TLR7: variants seen among roughly 807,000 people sequenced by gnomAD.
TLR7 encodes toll like receptor 7, also known as toll-like receptor 7.
Under a neutral mutation model 38.3 loss-of-function variants are expected in TLR7, and 12 were observed. That is an observed-to-expected ratio of 0.31 (90% confidence interval 0.20 to 0.51). TLR7 has a LOEUF of 0.51. Ranked by LOEUF, TLR7 falls within the 20% of genes least tolerant of loss-of-function variation. The probability of loss-of-function intolerance (pLI) is 0.98; values close to 1 mark genes in which losing one functional copy is unlikely to be tolerated. For synonymous variants in TLR7, 285 were observed against 293.8 expected, an observed-to-expected ratio of 0.97 and a Z score of 0.31; for missense variants, 504 against 743.4, an observed-to-expected ratio of 0.68 and a Z score of 3.74.
Position 12,889,040 on chromosome X carries a change from T to A in TLR7, c.*382T>A, listed in dbSNP as rs2042921322. The A allele has an allele frequency of 7.8e-6, 1 of 128,918 alleles. No homozygotes were observed. Among genetic ancestry groups the A allele is most frequent in the Non-Finnish European group, 1.5e-5 (1 of 65,142 alleles). 10.6% of individuals were successfully genotyped at this position (128,918 alleles called of 1,213,427 possible). ...GTACTGGTATATACAGAAATAGGGT[T>A]AAAAAAAACTCAAGCTCTCTCTATA... On this transcript the variant is annotated 3_prime_UTR_variant, in exon 3 of 3. Transcript: ENST00000380659.
intron 2 of TLR7, among the ~76,000 whole-genome samples, chrX:12,884,892 C>G (rs779164879): frequency 8.9e-6 from 1 of 112,870 alleles, no homozygotes; most frequent in Non-Finnish European, 1.9e-5. Flanking sequence ...TTTGCAAAAA[C>G]AATCCAAGAC....
chrX:12,878,586 G>A, intron 2 of TLR7, among the ~76,000 whole-genome samples: 1 of 112,058 alleles, frequency 8.9e-6, no homozygotes, highest in Non-Finnish European at 1.9e-5. Flanking sequence ...AGCCTAATGT[G>A]GCTTTTTGAG....
chrX:12,888,047 ATAT>A lies in TLR7; in HGVS notation c.2540_2542del (p.Ile847_Ser848delinsThr). 8.3e-7 allele frequency: 1 copy of A among 1,211,373 alleles called. No individual in the cohort carries two copies. ...TAACCTGATTCTGTTCTCACTTTCC[ATAT>A]CTGTATCTCTCTTTCTCATGGTGAT... On this transcript the variant is annotated inframe_deletion, in exon 3 of 3. Coordinates refer to ENST00000380659, the MANE Select transcript of TLR7 (RefSeq NM_016562.4).
chrX:12,890,121 T>C lies in TLR7; in HGVS notation c.*1463T>C, dbSNP rs1343375281. ...TGAAACCTGACCAATTTGCTTTATT[T>C]CATGGAAGAAGTGATCTACAAAGGT... On this transcript the variant is annotated 3_prime_UTR_variant, in exon 3 of 3. Transcript: ENST00000380659. 2 of 112,909 alleles carry C rather than the reference T, an allele frequency of 1.8e-5. No individual in the cohort carries two copies. The highest frequency in any genetic ancestry group is 1.9e-4 in the Admixed American group (2 of 10,684). 9.3% of individuals were successfully genotyped at this position (112,909 alleles called of 1,213,427 possible). A position where few individuals can be genotyped will look rare whatever the true frequency, so the allele number is the denominator to read the frequency against.
chrX:12,884,840 C>A (rs985568028), intron 2 of TLR7, among the ~76,000 whole-genome samples: 7 of 112,543 alleles, frequency 6.2e-5, no homozygotes, highest in Non-Finnish European at 9.4e-5. Context: ...AGGGAAAATG[C>A]TCATCCTAAA....
At chrX:12,872,314 C>T (rs768284680) in intron 2 of TLR7, among the ~76,000 whole-genome samples, 3 of 111,717 alleles carry the variant, frequency 2.7e-5, no homozygotes, top group Non-Finnish European at 5.6e-5. Flanking sequence ...CACAGGGTCT[C>T]TCTTGGGGTG....
intron 2 of TLR7, among the ~76,000 whole-genome samples, chrX:12,883,440 G>C (rs769270273): frequency 5.4e-5 from 6 of 111,681 alleles, no homozygotes; most frequent in African/African-American, 2.0e-4. Context: ...AATCAGGTAA[G>C]CCGGACAAGT....
Position 12,888,655 on chromosome X carries a change from C to T in TLR7, c.3147C>T (p.Val1049=). ...VAYSQVFKET[V] ...ATAGTCAGGTGTTCAAGGAAACGGT[C>T]TAGCCCTTCTTTGCAAAACACAACT... Residue 1049 remains valine (V), a synonymous_variant, in exon 3 of 3, where the codon GTC becomes GTT. Coordinates refer to ENST00000380659, the MANE Select transcript of TLR7 (RefSeq NM_016562.4). 8.4e-7 allele frequency: 1 copy of T among 1,185,360 alleles called. No individual in the cohort carries two copies.
chrX:12,875,972 G>A (rs764996604), intron 2 of TLR7, among the ~76,000 whole-genome samples: 37 of 39,764 alleles, frequency 9.3e-4, no homozygotes, highest in African/African-American at 3.3e-3. Context: ...TTTTTTTTTT[G>A]TCTTGAGACA....
chrX:12,869,830 C>CAAAAAAAAAAAAAAAAAAA (rs34022797), intron 2 of TLR7, among the ~76,000 whole-genome samples: 1 of 51,465 alleles, frequency 1.9e-5, no homozygotes, highest in African/African-American at 7.3e-5. Context: ...TGCAGCCAGG[C>CAAAAAAAAAAAAAAAAAAA]AAAAAAAAAA....
At position 12,878,098 on chromosome X, in the gene TLR7, AAGAGTGCC is replaced by A. The variant is rs1472594714; in HGVS notation, c.4-7411_4-7404del. ...CGAGAAGTAGAATAGCAGAGTGGCT[AAGAGTGCC>A]AGCTCTGTCTCAATCACCTAGGTCT... On this transcript the variant is annotated intron_variant, in intron 2 of 2. Coordinates refer to ENST00000380659, the MANE Select transcript of TLR7 (RefSeq NM_016562.4). Among the ~76,000 whole-genome samples the A allele has an allele frequency of 2.7e-5, 3 of 112,194 alleles. No individual in the cohort carries two copies. In the East Asian group the frequency reaches 8.4e-4, roughly 32 times the overall value.
chrX:12,879,252 T>C (rs918650922), intron 2 of TLR7, among the ~76,000 whole-genome samples: 4 of 111,827 alleles, frequency 3.6e-5, no homozygotes, highest in Admixed American at 9.5e-5. Flanking sequence ...GATGGCATAA[T>C]ATAGGCCACC....
intron 2 of TLR7, among the ~76,000 whole-genome samples, chrX:12,868,211 G>A (rs2042840441): frequency 8.9e-6 from 1 of 111,956 alleles, no homozygotes; most frequent in Admixed American, 9.5e-5. Context: ...AACATCAAGG[G>A]TAAAAGGATT....
chrX:12,882,184 G>A (rs1226097303), intron 2 of TLR7, among the ~76,000 whole-genome samples: 1 of 111,951 alleles, frequency 8.9e-6, no homozygotes, highest in Non-Finnish European at 1.9e-5. Context: ...GCTGAAGTCA[G>A]AACACCCTTG....
chrX:12,867,702 G>T (rs370277798), intron 2 of TLR7, 121 bp downstream of exon 2: 1 of 685,241 alleles, frequency 1.5e-6, no homozygotes, highest in Admixed American at 2.8e-5. Flanking sequence ...GGGGGAAAGT[G>T]CTTCCTGATA....
chrX:12,867,456 C>T, intron 1 of TLR7, 25 bp from the exon 2 acceptor site: 3 of 600,130 alleles, frequency 5.0e-6, no homozygotes, highest in Non-Finnish European at 8.3e-6. Context: ...GAAATGTAAA[C>T]TTTGATGTCT....
Position 12,887,581 on chromosome X carries a change from T to C in TLR7, c.2073T>C (p.Ser691=), listed in dbSNP as rs202020803. The part of the protein sequence containing the change: ...SLAKNGLKSF[S]WKKLQCLKNL... The stretch of plus-strand genomic sequence containing the variant: ...CCAAAAATGGGCTCAAATCTTTCAG[T>C]TGGAAGAAACTCCAGTGTCTAAAGA... The change falls in exon 3 of 3, where the codon AGT becomes AGC. Residue 691 remains serine, a synonymous_variant. Transcript: ENST00000380659. 4.1e-6 allele frequency: 5 copies of C among 1,210,851 alleles called. No individual in the cohort carries two copies. Among genetic ancestry groups the C allele is most frequent in the African/African-American group, 1.7e-5 (1 of 57,664 alleles).
In TLR7 at chrX:12,867,601, C is replaced by A. The variant is rs1189463357; in HGVS notation, c.3+20C>A. The A allele has an allele frequency of 8.3e-7, 1 of 1,199,501 alleles. No individual in the cohort carries two copies. Among genetic ancestry groups the A allele is most frequent in the Non-Finnish European group, 1.1e-6 (1 of 885,802 alleles). On this transcript the variant is annotated intron_variant, in intron 2 of 2. Transcript: ENST00000380659. ...AAAATGGTAAGAACAGCTCAGAGAACCTTAAAAAGTGTTATCTGTAATCTT... is the reference window on the plus strand; with the variant it reads ...AAAATGGTAAGAACAGCTCAGAGAAACTTAAAAAGTGTTATCTGTAATCTT...
At chrX:12,874,031 C>T (rs1220887881) in intron 2 of TLR7, among the ~76,000 whole-genome samples, 2 of 112,475 alleles carry the variant, frequency 1.8e-5, no homozygotes, top group African/African-American at 6.5e-5. Flanking sequence ...TATCTAAAGA[C>T]ATATAAGGCC....
Sources: gnomAD v4.1 joint callset for allele counts (sites outside exome capture counted in the v4.1 genomes callset) on GRCh38, gnomAD v4.1.1 for gene constraint, MANE v1.5 for transcripts, NCBI Gene and HGNC (gene_info 2026-07-23, HGNC 2026-07-21) for gene names.